PTPRN2: variants seen among roughly 807,000 people sequenced by gnomAD.
PTPRN2 encodes protein tyrosine phosphatase receptor type N2.
PTPRN2 carries 74 observed loss-of-function variants against 118.8 expected under a neutral mutation model. The observed-to-expected ratio is 0.62, with a 90% CI of 0.52 to 0.76. PTPRN2 has a LOEUF of 0.76. PTPRN2 is among the 30% of genes least tolerant of loss of function. PTPRN2 has a pLI of 0.00. For synonymous variants in PTPRN2, 641 were observed against 608.0 expected (o/e 1.05, Z -0.80); for missense variants, 1,481 against 1,394.4 (o/e 1.06, Z -0.99).
At position 157,540,759 on chromosome 7, in the gene PTPRN2, G is replaced by C. The variant is rs149350513; in HGVS notation, c.3003C>G (p.Ala1001=). ...TKEQFEFALT[A]VAEEVNAILK... ...GGATGGCGTTCACCTCCTCAGCCAC[G>C]GCTGTCAGCGCGAACTCAAACTGCT... The change falls in exon 23 of 23, where the codon GCC becomes GCG. Residue 1001 remains alanine (A), a synonymous_variant. Transcript: ENST00000389418. The C allele has an allele frequency of 1.7e-5, 27 of 1,569,628 alleles. No homozygotes were observed. Among genetic ancestry groups the C allele is most frequent in the Non-Finnish European group, 2.1e-5 (24 of 1,157,100 alleles).
chr7:158,312,595 T>C (rs1008367526), intron 3 of PTPRN2, among the ~76,000 whole-genome samples: 2 of 150,904 alleles, frequency 1.3e-5, no homozygotes, highest in Non-Finnish European at 2.9e-5. Context: ...ACTCCCCCCA[T>C]GTGAGGCTGA....
intron 12 of PTPRN2, among the ~76,000 whole-genome samples, chr7:157,699,915 A>G (rs970669173): frequency 2.6e-5 from 4 of 152,214 alleles, no homozygotes; most frequent in African/African-American, 4.8e-5. Context: ...AGTCTGGCAC[A>G]TTAGCATATA....
At chr7:158,485,876 T>C (rs1820980920) in intron 2 of PTPRN2, among the ~76,000 whole-genome samples, 1 of 152,208 alleles carries the variant, frequency 6.6e-6, no homozygotes, top group African/African-American at 2.4e-5. Context: ...GTCATCGTAT[T>C]AGATGCTCAG....
chr7:157,574,287 C>T (rs752994660), intron 19 of PTPRN2: 11 of 476,826 alleles, frequency 2.3e-5, no homozygotes, highest in East Asian at 1.1e-4. Context: ...GGTCAGAGGT[C>T]GTTAGAGGCT....
chr7:157,637,376 GC>G (rs773386285), intron 14 of PTPRN2, among the ~76,000 whole-genome samples: 3 of 152,212 alleles, frequency 2.0e-5, no homozygotes, highest in African/African-American at 4.8e-5. Flanking sequence ...GTGAACAGCA[GC>G]CCCTGTCATC....
intron 9 of PTPRN2, among the ~76,000 whole-genome samples, chr7:158,125,627 A>G (rs1817594189): frequency 2.0e-5 from 3 of 152,198 alleles, no homozygotes; most frequent in Admixed American, 2.0e-4. Flanking sequence ...TGCTACAGAT[A>G]TTCTTTTAAG....
At chr7:158,389,032 C>T (rs558502738) in intron 2 of PTPRN2, among the ~76,000 whole-genome samples, 74 of 152,362 alleles carry the variant, frequency 4.9e-4, no homozygotes, top group African/African-American at 1.7e-3. Flanking sequence ...CTTGATTTCA[C>T]CCAACGTGAG....
chr7:157,883,546 C>G (rs7384090), intron 12 of PTPRN2, among the ~76,000 whole-genome samples: 1 of 146,492 alleles, frequency 6.8e-6, no homozygotes, highest in Non-Finnish European at 1.5e-5. Context: ...CACCCTAAAA[C>G]CGACTGTCAG....
intron 5 of PTPRN2, among the ~76,000 whole-genome samples, chr7:158,186,837 C>G (rs1015042923): frequency 3.3e-5 from 5 of 152,258 alleles, no homozygotes; most frequent in Non-Finnish European, 7.3e-5. Context: ...ACTGTAAAAT[C>G]CTAAAGGACA....
Position 158,500,760 on chromosome 7 carries a change from A to G in PTPRN2, c.113-10975T>C, listed in dbSNP as rs141115489. 2.4e-3 allele frequency among the ~76,000 whole-genome samples: 371 copies of G among 152,384 alleles called. 9 individuals carry two copies. The East Asian group carries it at 0.034, about 14-fold the overall frequency. On this transcript the variant is annotated intron_variant, in intron 1 of 22. Coordinates refer to ENST00000389418, the MANE Select transcript of PTPRN2 (RefSeq NM_002847.5). ...GACGTGACCAGGGCTGTTAAACGCCATCCAGCCCAACGGTTTTCGCTCTTA... is the reference window on the plus strand; with the variant it reads ...GACGTGACCAGGGCTGTTAAACGCCGTCCAGCCCAACGGTTTTCGCTCTTA...
intron 12 of PTPRN2, among the ~76,000 whole-genome samples, chr7:157,846,443 C>T (rs1808806949): frequency 6.6e-6 from 1 of 152,128 alleles, no homozygotes; most frequent in Non-Finnish European, 1.5e-5. Flanking sequence ...GAACCAACCA[C>T]CGAGAAACAC....
At position 158,489,788 on chromosome 7, in the gene PTPRN2, G is replaced by A. The variant is rs1203570555; in HGVS notation, c.113-3C>T. Reference sequence around the variant, plus strand: ...GAGGCCCTCCTCGAGCAGGCAGCCTGCGGGGAAACAGAGAAGAGACGCGGT... The same window carrying A: ...GAGGCCCTCCTCGAGCAGGCAGCCTACGGGGAAACAGAGAAGAGACGCGGT... On this transcript the variant is annotated splice_region_variant and splice_polypyrimidine_tract_variant and intron_variant, in intron 1 of 22. Coordinates refer to ENST00000389418, the MANE Select transcript of PTPRN2 (RefSeq NM_002847.5). 1 of 1,574,232 alleles carries A rather than the reference G, an allele frequency of 6.4e-7. No homozygotes were observed. Among genetic ancestry groups the A allele is most frequent in the Admixed American group, 1.8e-5 (1 of 54,976 alleles).
Position 158,375,283 on chromosome 7 carries a change from T to C in PTPRN2, c.164-58351A>G, listed in dbSNP as rs113628885. Reference sequence around the variant, plus strand: ...GAGGGCTTGTCATGTGATTCACTGCTCATTTAGTCCCTCATTCAGCAAATG... The same window carrying C: ...GAGGGCTTGTCATGTGATTCACTGCCCATTTAGTCCCTCATTCAGCAAATG... On this transcript the variant is annotated intron_variant, in intron 2 of 22. Coordinates refer to ENST00000389418, the MANE Select transcript of PTPRN2 (RefSeq NM_002847.5). Among the ~76,000 whole-genome samples the C allele has an allele frequency of 7.2e-3, 1,099 of 152,300 alleles. 11 individuals are homozygous for C. The highest frequency in any genetic ancestry group is 0.025 in the African/African-American group (1,046 of 41,570).
intron 2 of PTPRN2, among the ~76,000 whole-genome samples, chr7:158,348,310 A>G (rs1586416699): frequency 6.6e-6 from 1 of 150,564 alleles, no homozygotes; most frequent in East Asian, 1.9e-4. Flanking sequence ...TTCCCCATTC[A>G]CAGCCCCAGA....
At chr7:158,352,140 CGCTCCCCTCCTGACT>C (rs1808022815) in intron 2 of PTPRN2, among the ~76,000 whole-genome samples, 2 of 14,574 alleles carry the variant, frequency 1.4e-4, no homozygotes, top group African/African-American at 7.5e-4. Context: ...CCCTCCTGTC[CGCTCCCCTCCTGACT>C]GCTCCCCTCC....
At chr7:158,131,596 G>A (rs998671338) in intron 9 of PTPRN2, among the ~76,000 whole-genome samples, 3 of 122,836 alleles carry the variant, frequency 2.4e-5, no homozygotes, top group Non-Finnish European at 3.5e-5. Context: ...ACACACACAC[G>A]AACATACAAA....
intron 11 of PTPRN2, among the ~76,000 whole-genome samples, chr7:157,924,384 G>A (rs114463098): frequency 6.6e-6 from 1 of 152,314 alleles, no homozygotes; most frequent in African/African-American, 2.4e-5. Context: ...GCCCCTGGAG[G>A]AGAACCGAGG....
chr7:158,324,939 G>A (rs1163477023), intron 2 of PTPRN2, among the ~76,000 whole-genome samples: 2 of 152,198 alleles, frequency 1.3e-5, no homozygotes, highest in Non-Finnish European at 2.9e-5. Flanking sequence ...TGCCCTAGAG[G>A]ATATCCTAGG....
At chr7:158,052,414 G>C (rs1809396646) in intron 11 of PTPRN2, among the ~76,000 whole-genome samples, 1 of 152,236 alleles carries the variant, frequency 6.6e-6, no homozygotes. Context: ...GGGTTATTGG[G>C]GGAAGTTCTT....
Sources: allele counts gnomAD v4.1 joint callset (sites outside exome capture counted in the v4.1 genomes callset), GRCh38; gene constraint gnomAD v4.1.1; transcripts MANE v1.5; gene names NCBI Gene and HGNC (gene_info 2026-07-23, HGNC 2026-07-21).